The following SLC35F4 variants were observed in gnomAD, a reference collection of about 807,000 sequenced individuals.
SLC35F4 encodes the protein solute carrier family 35 member F4.
In SLC35F4, 24 loss-of-function variants were observed where a neutral mutation model predicts 44.2. The observed-to-expected ratio is 0.54, with a 90% confidence interval of 0.39 to 0.76. SLC35F4 has a LOEUF of 0.76. Among genes scored for constraint, SLC35F4 ranks in the 30% least tolerant of loss-of-function variants. The probability of loss-of-function intolerance (pLI) is 0.00; values close to 1 mark genes in which losing one functional copy is unlikely to be tolerated. For missense variants in SLC35F4, 562 were observed against 586.1 expected (o/e 0.96, Z 0.42); for synonymous variants, 238 against 223.6 (o/e 1.06, Z -0.57).
intron 1 of SLC35F4, among the ~76,000 whole-genome samples, chr14:57,668,268 C>A (rs2074388167): frequency 6.6e-6 from 1 of 150,474 alleles, no homozygotes; most frequent in Non-Finnish European, 1.5e-5. Flanking sequence ...AATTTTCTCC[C>A]ATGTTGTAGG....
intron 1 of SLC35F4, among the ~76,000 whole-genome samples, chr14:57,691,809 T>C (rs1446948916): frequency 6.6e-6 from 1 of 151,458 alleles, no homozygotes; most frequent in Non-Finnish European, 1.5e-5. Context: ...TTATATAACA[T>C]GATAGCAAAT....
intron 1 of SLC35F4, among the ~76,000 whole-genome samples, chr14:57,653,449 G>C (rs924132394): frequency 1.3e-5 from 2 of 152,188 alleles, no homozygotes; most frequent in African/African-American, 4.8e-5. Context: ...CTTTACACCA[G>C]AGATTAATGT....
chr14:57,895,642 A>G (rs1888855869), intron 1 of SLC35F4, among the ~76,000 whole-genome samples: 1 of 151,534 alleles, frequency 6.6e-6, no homozygotes, highest in South Asian at 2.1e-4. Flanking sequence ...CTGCCATGGC[A>G]ATACATGGTT....
chr14:57,700,406 T>C (rs73288244), intron 1 of SLC35F4, among the ~76,000 whole-genome samples: 4,469 of 152,278 alleles, frequency 0.029, 216 homozygotes, highest in African/African-American at 0.1. Flanking sequence ...GGTAAGTGGA[T>C]GTGAAGTCCT....
chr14:57,721,744 A>G (rs1362565391), intron 1 of SLC35F4, among the ~76,000 whole-genome samples: 1 of 152,146 alleles, frequency 6.6e-6, no homozygotes, highest in Non-Finnish European at 1.5e-5. Flanking sequence ...CTGAGTTTAT[A>G]AACTCTGATG....
intron 1 of SLC35F4, among the ~76,000 whole-genome samples, chr14:57,763,225 T>C (rs2077163609): frequency 6.6e-6 from 1 of 152,138 alleles, no homozygotes; most frequent in Non-Finnish European, 1.5e-5. Context: ...AATTTATACT[T>C]TGATGATGCT....
chr14:57,595,722 G>T (rs1055352326), intron 1 of SLC35F4: 1 of 151,986 alleles, frequency 6.6e-6, no homozygotes, highest in Non-Finnish European at 1.5e-5. Context: ...CTTTTAGATT[G>T]GCTACTGAGT....
chr14:57,656,215 A>G (rs2073963921), intron 1 of SLC35F4, among the ~76,000 whole-genome samples: 1 of 151,856 alleles, frequency 6.6e-6, no homozygotes, highest in East Asian at 1.9e-4. Context: ...GTGTGTGTGT[A>G]CATATCTACC....
intron 1 of SLC35F4, among the ~76,000 whole-genome samples, chr14:57,824,403 T>A (rs1883498582): frequency 6.6e-6 from 1 of 152,076 alleles, no homozygotes; most frequent in Admixed American, 6.6e-5. Flanking sequence ...GGTAGGTAGG[T>A]AGAAGATAGA....
chr14:57,613,771 A>T (rs569067258), intron 1 of SLC35F4, among the ~76,000 whole-genome samples: 29 of 152,358 alleles, frequency 1.9e-4, no homozygotes, highest in African/African-American at 6.5e-4. Context: ...TGGAAGAGAA[A>T]GACAGCTCTG....
intron 1 of SLC35F4, among the ~76,000 whole-genome samples, chr14:57,706,776 T>G (rs1239711836): frequency 6.6e-6 from 1 of 151,900 alleles, no homozygotes; most frequent in African/African-American, 2.4e-5. Flanking sequence ...CCACTGTGGC[T>G]ATAGTAGAAT....
intron 1 of SLC35F4, among the ~76,000 whole-genome samples, chr14:57,842,382 C>G (rs935087001): frequency 6.6e-6 from 1 of 152,148 alleles, no homozygotes; most frequent in Non-Finnish European, 1.5e-5. Context: ...TTCTGTTTGC[C>G]TCTCCAGATC....
chr14:57,951,851 G>A (rs752941775), intron 1 of SLC35F4, among the ~76,000 whole-genome samples: 7 of 152,190 alleles, frequency 4.6e-5, no homozygotes, highest in Non-Finnish European at 8.8e-5. Flanking sequence ...GGCGGCTATG[G>A]GCACAGCTTC....
intron 1 of SLC35F4, among the ~76,000 whole-genome samples, chr14:57,883,875 T>A (rs1888593242): frequency 6.6e-6 from 1 of 152,214 alleles, no homozygotes; most frequent in African/African-American, 2.4e-5. Flanking sequence ...TCCATCTATT[T>A]TTTAACAAAT....
upstream of SLC35F4, chr14:57,866,097 C>T (rs1285600648): frequency 4.6e-6 from 1 of 217,120 alleles, no homozygotes; most frequent in East Asian, 1.0e-4. Context: ...CCGAATAGCG[C>T]CCCCTCACCT....
intron 1 of SLC35F4, among the ~76,000 whole-genome samples, chr14:57,960,829 G>A (rs1221856801): frequency 6.6e-6 from 1 of 152,102 alleles, no homozygotes; most frequent in African/African-American, 2.4e-5. Context: ...CCAAGGAGGT[G>A]GCCCAGGTCC....
chr14:57,734,412 C>T (rs1419044325), intron 1 of SLC35F4, among the ~76,000 whole-genome samples: 6 of 152,130 alleles, frequency 3.9e-5, no homozygotes, highest in Non-Finnish European at 2.9e-5. Context: ...AGAGAAAGCA[C>T]GCACAGAAAG....
intron 1 of SLC35F4, among the ~76,000 whole-genome samples, chr14:57,635,590 G>A (rs1028881910): frequency 6.6e-6 from 1 of 152,046 alleles, no homozygotes; most frequent in African/African-American, 2.4e-5. Flanking sequence ...AACCAGCACT[G>A]AGCTCCAAGG....
chr14:57,930,973 A>G (rs1207667045), intron 1 of SLC35F4, among the ~76,000 whole-genome samples: 1 of 152,246 alleles, frequency 6.6e-6, no homozygotes, highest in Non-Finnish European at 1.5e-5. Context: ...AAACTGGATG[A>G]GAAGTCAAGA....
Sources: allele counts gnomAD v4.1 joint callset (sites outside exome capture counted in the v4.1 genomes callset), GRCh38; gene constraint gnomAD v4.1.1; transcripts MANE v1.5; gene names NCBI Gene and HGNC (gene_info 2026-07-23, HGNC 2026-07-21).